PTPRE: variants seen among roughly 807,000 people sequenced by gnomAD.
PTPRE encodes protein tyrosine phosphatase receptor type E.
In PTPRE, 51 loss-of-function variants were observed where a neutral mutation model predicts 102.0. The ratio of observed to expected loss-of-function variants is 0.50; its 90% confidence interval spans 0.40 to 0.63. The LOEUF is 0.63. Among genes scored for constraint, PTPRE ranks in the 30% least tolerant of loss-of-function variants. The pLI, the probability that PTPRE is intolerant of heterozygous loss-of-function variation, is 0.00. For missense variants in PTPRE, 752 were observed against 915.1 expected, an observed-to-expected ratio of 0.82 and a Z score of 2.30; for synonymous variants, 345 against 348.2, an observed-to-expected ratio of 0.99 and a Z score of 0.10.
intron 10 of PTPRE, among the ~76,000 whole-genome samples, chr10:128,064,078 G>A (rs1229736401): frequency 6.6e-6 from 1 of 152,202 alleles, no homozygotes; most frequent in Non-Finnish European, 1.5e-5. Flanking sequence ...CCTGGCCCCA[G>A]CAGTTCCCAG....
At chr10:127,933,121 A>G (rs550320208) in intron 1 of PTPRE, among the ~76,000 whole-genome samples, 7 of 152,116 alleles carry the variant, frequency 4.6e-5, no homozygotes, top group Non-Finnish European at 8.8e-5. Context: ...TAATCTCCCT[A>G]CTTACAGTCA....
Position 127,907,913 on chromosome 10 carries a change from G to T in PTPRE, c.-31+604G>T, listed in dbSNP as rs1845601905. 6.6e-6 allele frequency among the ~76,000 whole-genome samples: 1 copy of T among 152,204 alleles called. No individual in the cohort carries two copies. The highest frequency in any genetic ancestry group is 1.5e-5 in the Non-Finnish European group (1 of 68,036). On this transcript the variant is annotated intron_variant, in intron 1 of 20. Transcript: ENST00000254667. This position sits in a 1 kb window ranked among gnomAD's most constrained non-coding sequence, Gnocchi z 4.8. ...AGACCCTGGCAGGTGGTCCAGGCTG[G>T]ACTGCCGCGATTTGCAGGGTCGACG...
At chr10:127,989,546 A>G (rs558742275) in intron 2 of PTPRE, among the ~76,000 whole-genome samples, 52 of 152,356 alleles carry the variant, frequency 3.4e-4, no homozygotes, top group African/African-American at 1.2e-3. Flanking sequence ...GACAGTGGAA[A>G]GGAAGTGCCA....
At chr10:127,945,933 T>C (rs1848589256) in intron 1 of PTPRE, among the ~76,000 whole-genome samples, 1 of 152,160 alleles carries the variant, frequency 6.6e-6, no homozygotes, top group Non-Finnish European at 1.5e-5. Flanking sequence ...TTTCAGGATG[T>C]TCTGCCTTTG....
chr10:128,077,518 G>A, intron 18 of PTPRE, 99 bp from the exon 19 acceptor site: 1 of 1,446,276 alleles, frequency 6.9e-7, no homozygotes, highest in Non-Finnish European at 9.2e-7. Context: ...AAGGCTCAGG[G>A]AGGGCTCCCA....
intron 2 of PTPRE, among the ~76,000 whole-genome samples, chr10:128,019,807 C>A (rs1424702434): frequency 6.6e-6 from 1 of 152,156 alleles, no homozygotes; most frequent in Admixed American, 6.5e-5. Context: ...AGGTGTTGGG[C>A]CCACAGCACC....
chr10:128,024,469 G>A (rs1343764271), intron 2 of PTPRE, among the ~76,000 whole-genome samples: 1 of 152,224 alleles, frequency 6.6e-6, no homozygotes, highest in Non-Finnish European at 1.5e-5. Context: ...TTGGAATCCA[G>A]ATAGACTTAA....
At chr10:127,976,438 G>A (rs1851185159) in intron 1 of PTPRE, among the ~76,000 whole-genome samples, 1 of 152,194 alleles carries the variant, frequency 6.6e-6, no homozygotes, top group Admixed American at 6.5e-5. Context: ...GGAGTAATTA[G>A]AGAGTGTGTG....
At chr10:128,003,003 T>C (rs183675614) in intron 2 of PTPRE, among the ~76,000 whole-genome samples, 202 of 152,166 alleles carry the variant, frequency 1.3e-3, no homozygotes, top group Non-Finnish European at 2.5e-3. Flanking sequence ...CTGGGAGTCA[T>C]ATGTCTTATG....
intron 1 of PTPRE, among the ~76,000 whole-genome samples, chr10:127,916,376 TC>T (rs1846209361): frequency 6.6e-6 from 1 of 152,162 alleles, no homozygotes. Context: ...CACTTCTCCT[TC>T]CTGTCGCCTT....
At chr10:128,034,214 C>G (rs1161933053) in intron 2 of PTPRE, among the ~76,000 whole-genome samples, 2 of 152,050 alleles carry the variant, frequency 1.3e-5, no homozygotes, top group African/African-American at 2.4e-5. Flanking sequence ...GATGGTGAAT[C>G]TTTCTGCAAA....
intron 1 of PTPRE, among the ~76,000 whole-genome samples, chr10:127,936,925 C>T (rs1157650081): frequency 6.6e-6 from 1 of 152,144 alleles, no homozygotes; most frequent in East Asian, 1.9e-4. Flanking sequence ...TGCTGTTGCT[C>T]TCTAAAGGGC....
intron 1 of PTPRE, among the ~76,000 whole-genome samples, chr10:127,921,149 G>A (rs891462672): frequency 6.6e-6 from 1 of 152,228 alleles, no homozygotes; most frequent in Non-Finnish European, 1.5e-5. Flanking sequence ...TACTCGTTAC[G>A]ATAATACCAG....
intron 1 of PTPRE, among the ~76,000 whole-genome samples, chr10:127,959,077 G>A (rs1849608707): frequency 6.6e-6 from 1 of 152,084 alleles, no homozygotes; most frequent in African/African-American, 2.4e-5. Flanking sequence ...CGTATTTTTA[G>A]TAGAGATGGT....
At chr10:128,079,531 G>A in intron 19 of PTPRE, 29 bp from the exon 20 acceptor site, 1 of 1,608,994 alleles carries the variant, frequency 6.2e-7, no homozygotes, top group Non-Finnish European at 8.5e-7. Flanking sequence ...CAAGTCGGAT[G>A]ATCTGCATTA....
intron 1 of PTPRE, among the ~76,000 whole-genome samples, chr10:127,970,630 C>T (rs983625681): frequency 2.6e-5 from 4 of 152,016 alleles, no homozygotes; most frequent in South Asian, 2.1e-4. Context: ...ATGATGCCTA[C>T]GAACCTCCTA....
chr10:127,932,595 A>G (rs1847526710), intron 1 of PTPRE, among the ~76,000 whole-genome samples: 1 of 152,226 alleles, frequency 6.6e-6, no homozygotes, highest in Admixed American at 6.5e-5. Flanking sequence ...CAACAGAGAC[A>G]GGAGGGTGGA....
chr10:128,027,430 G>T (rs763469876), intron 2 of PTPRE, among the ~76,000 whole-genome samples: 8 of 152,076 alleles, frequency 5.3e-5, no homozygotes, highest in Non-Finnish European at 1.2e-4. Flanking sequence ...GTCAAAGTGA[G>T]GCTCTGAGCT....
intron 1 of PTPRE, among the ~76,000 whole-genome samples, chr10:127,968,979 T>C (rs1017899267): frequency 6.6e-6 from 1 of 152,254 alleles, no homozygotes; most frequent in Non-Finnish European, 1.5e-5. Flanking sequence ...AACACTTTCC[T>C]GGTGTTACAT....
Sources: gnomAD v4.1 joint callset for allele counts (sites outside exome capture counted in the v4.1 genomes callset) on GRCh38, gnomAD v4.1.1 for gene constraint, Gnocchi (gnomAD v3.1) non-coding constraint, MANE v1.5 for transcripts, NCBI Gene and HGNC (gene_info 2026-07-23, HGNC 2026-07-21) for gene names.